Variants in PLCL2 observed in about 807,000 individuals in gnomAD.
PLCL2 encodes inactive phospholipase C-like protein 2.
A neutral mutation model predicts 79.6 loss-of-function variants in PLCL2; 4 were observed. The observed-to-expected ratio is 0.05, with a 90% CI of 0.02 to 0.11. The LOEUF is 0.11. Among genes scored for constraint, PLCL2 ranks in the 10% least tolerant of loss-of-function variants. The probability of loss-of-function intolerance (pLI) is 1.00; values close to 1 mark genes in which losing one functional copy is unlikely to be tolerated. For missense variants in PLCL2, 895 were observed against 1,291.0 expected, an observed-to-expected ratio of 0.69 and a Z score of 4.70; for synonymous variants, 484 against 457.7, an observed-to-expected ratio of 1.06 and a Z score of -0.73.
intron 1 of PLCL2, among the ~76,000 whole-genome samples, chr3:16,965,014 C>G (rs2124973461): frequency 6.6e-6 from 1 of 151,864 alleles, no homozygotes; most frequent in East Asian, 2.0e-4. Flanking sequence ...TGCAGAAGCT[C>G]TTTAGTTTAA....
Position 17,090,066 on chromosome 3 carries a change from A to G in PLCL2, c.*154A>G. 2 of 1,368,386 alleles carry G rather than the reference A, an allele frequency of 1.5e-6. No homozygotes were observed. Among genetic ancestry groups the G allele is most frequent in the Non-Finnish European group, 1.9e-6 (2 of 1,059,644 alleles). The allele number at this position is 1,368,386 out of a possible 1,614,324, so 84.8% of individuals were successfully genotyped here. A position where few individuals can be genotyped will look rare whatever the true frequency, so the allele number is the denominator to read the frequency against. The stretch of plus-strand genomic sequence containing the variant: ...TACAGTCTATTAAAACTGTGAATGT[A>G]TGTAGCAATCCTGCGTGTGAAGGCA... On this transcript the variant is annotated 3_prime_UTR_variant, in exon 6 of 6. Transcript: ENST00000615277.
intron 1 of PLCL2, among the ~76,000 whole-genome samples, chr3:16,953,867 C>A (rs1332349757): frequency 6.6e-6 from 1 of 151,548 alleles, no homozygotes; most frequent in Non-Finnish European, 1.5e-5. Context: ...ATGATGGGTC[C>A]CAAGTATCAT....
intron 1 of PLCL2, among the ~76,000 whole-genome samples, chr3:16,960,884 G>A (rs2063748206): frequency 6.6e-6 from 1 of 152,052 alleles, no homozygotes; most frequent in South Asian, 2.1e-4. Context: ...AATATACAAA[G>A]AATAATTTCA....
At chr3:16,920,255 A>C (rs1697093274) in intron 1 of PLCL2, among the ~76,000 whole-genome samples, 1 of 152,160 alleles carries the variant, frequency 6.6e-6, no homozygotes, top group South Asian at 2.1e-4. Flanking sequence ...TTTAGAAGGC[A>C]ACAGAGGATA....
rs570755193 is a variant in PLCL2, at chr3:17,010,229, T to C, written c.883T>C (p.Cys295Arg). Residue 295 changes from cysteine to arginine, a missense_variant, in exon 2 of 6, where the codon TGT becomes CGT. Around this residue, in one of 6 missense-constraint regions of PLCL2, gnomAD observed 93 missense variants for 93.2 expected, o/e 1.00. Transcript: ENST00000615277. The surrounding 1 kb of genome is among the most constrained non-coding windows in gnomAD (Gnocchi z 5.8). The stretch of plus-strand genomic sequence containing the variant: ...TATAACTCTGTGTAATGCTGTGCAA[T>C]GTATCAGAAACCTCAATCCTGGTTT... ...GHITLCNAVQ[C>R]IRNLNPGLKT... is the part of the protein sequence containing the mutation. The C allele has an allele frequency of 3.7e-6, 6 of 1,613,842 alleles. No individual in the cohort carries two copies. The highest frequency in any genetic ancestry group is 5.1e-6 in the Non-Finnish European group (6 of 1,179,842).
At chr3:17,030,756 C>T (rs527286165) in intron 3 of PLCL2, among the ~76,000 whole-genome samples, 1 of 152,182 alleles carries the variant, frequency 6.6e-6, no homozygotes, top group African/African-American at 2.4e-5. Flanking sequence ...CTTTTCATTA[C>T]AGAGAAGTCT....
chr3:16,915,601 A>AT (rs1372731211), intron 1 of PLCL2, among the ~76,000 whole-genome samples: 2 of 151,918 alleles, frequency 1.3e-5, no homozygotes, highest in Non-Finnish European at 2.9e-5. Context: ...TAATTTTATT[A>AT]TTTTTTTCCT....
intron 3 of PLCL2, among the ~76,000 whole-genome samples, chr3:17,029,373 A>C (rs576163735): frequency 0.029 from 4,356 of 151,712 alleles, 227 homozygotes; most frequent in African/African-American, 0.1. Context: ...GAAAAAAAAA[A>C]ACAACTGTAT....
At chr3:16,945,612 C>T (rs568041378) in intron 1 of PLCL2, among the ~76,000 whole-genome samples, 67 of 152,252 alleles carry the variant, frequency 4.4e-4, no homozygotes, top group African/African-American at 1.6e-3. Context: ...GTTGTCTGCC[C>T]CCACCCCAGA....
chr3:16,893,368 G>A (rs1010179552), intron 1 of PLCL2, among the ~76,000 whole-genome samples: 4 of 152,052 alleles, frequency 2.6e-5, no homozygotes, highest in African/African-American at 9.7e-5. Context: ...TATTGTTTCG[G>A]AATTGTCAAC....
chr3:17,014,122 T>C (rs2064357607), intron 2 of PLCL2, among the ~76,000 whole-genome samples: 1 of 152,150 alleles, frequency 6.6e-6, no homozygotes, highest in South Asian at 2.1e-4. Flanking sequence ...GAGAGAGGCA[T>C]TGGGATCAGC....
chr3:16,989,921 G>C (rs1398868496), intron 1 of PLCL2, among the ~76,000 whole-genome samples: 1 of 151,986 alleles, frequency 6.6e-6, no homozygotes, highest in Non-Finnish European at 1.5e-5. Flanking sequence ...TGCTCAGACA[G>C]GATAGGAATA....
chr3:16,904,197 G>A (rs1004857061), intron 1 of PLCL2, among the ~76,000 whole-genome samples: 11 of 151,944 alleles, frequency 7.2e-5, no homozygotes, highest in Non-Finnish European at 1.5e-4. Context: ...CAAGTCTGCT[G>A]GCCAGTAATC....
chr3:16,964,715 A>C (rs2063788307), intron 1 of PLCL2, among the ~76,000 whole-genome samples: 1 of 151,858 alleles, frequency 6.6e-6, no homozygotes, highest in Non-Finnish European at 1.5e-5. Context: ...TGCCATTCTA[A>C]CTGGTGTGAG....
intron 1 of PLCL2, among the ~76,000 whole-genome samples, chr3:16,897,752 T>C (rs563144990): frequency 6.6e-6 from 1 of 152,236 alleles, no homozygotes; most frequent in Non-Finnish European, 1.5e-5. Flanking sequence ...CGTGAATGTG[T>C]ACTTTCTGAA....
intron 1 of PLCL2, among the ~76,000 whole-genome samples, chr3:16,919,240 A>G (rs1320384936): frequency 6.6e-6 from 1 of 152,296 alleles, no homozygotes; most frequent in East Asian, 1.9e-4. Flanking sequence ...TTTGAAGTCT[A>G]GGCACTGCAT....
At chr3:17,021,697 A>G (rs893707604) in intron 3 of PLCL2, among the ~76,000 whole-genome samples, 7 of 152,026 alleles carry the variant, frequency 4.6e-5, no homozygotes, top group African/African-American at 1.4e-4. Flanking sequence ...GTCTGCTTGA[A>G]AGAGACTTAA....
intron 4 of PLCL2, among the ~76,000 whole-genome samples, chr3:17,044,919 G>A (rs961082989): frequency 6.6e-6 from 1 of 152,176 alleles, no homozygotes; most frequent in Non-Finnish European, 1.5e-5. Flanking sequence ...TTTTGATTAG[G>A]ATGGGGGGAG....
intron 1 of PLCL2, among the ~76,000 whole-genome samples, chr3:16,916,729 A>G (rs931082299): frequency 6.6e-6 from 1 of 152,206 alleles, no homozygotes; most frequent in Non-Finnish European, 1.5e-5. Flanking sequence ...TTTGATATCA[A>G]TTACTTAAAG....
Sources: gnomAD v4.1 joint callset for allele counts (sites outside exome capture counted in the v4.1 genomes callset) on GRCh38, gnomAD v4.1.1 for gene constraint, gnomAD v4.1.1 regional missense constraint, Gnocchi (gnomAD v3.1) non-coding constraint, MANE v1.5 for transcripts, NCBI Gene and HGNC (gene_info 2026-07-23, HGNC 2026-07-21) for gene names.